The following GUCY1A2 variants were observed in gnomAD, a reference collection of about 807,000 sequenced individuals.
GUCY1A2 encodes guanylate cyclase 1 soluble subunit alpha 2.
A neutral mutation model predicts 63.5 loss-of-function variants in GUCY1A2; 27 were observed. That is an observed-to-expected ratio of 0.43 (90% CI 0.31 to 0.59). The LOEUF (loss-of-function observed/expected upper bound fraction) is 0.59. Ranked by LOEUF, GUCY1A2 falls within the 20% of genes least tolerant of loss-of-function variation. The pLI, the probability that GUCY1A2 is intolerant of heterozygous loss-of-function variation, is 0.11. For synonymous variants in GUCY1A2, 364 were observed against 343.5 expected (o/e 1.06, Z -0.66); for missense variants, 768 against 913.3 (o/e 0.84, Z 2.05).
chr11:106,899,541 TAC>T (rs746759460), intron 4 of GUCY1A2, among the ~76,000 whole-genome samples: 1 of 152,166 alleles, frequency 6.6e-6, no homozygotes, highest in Non-Finnish European at 1.5e-5. Context: ...GAACAACAAC[TAC>T]AGAGAGAAAA....
chr11:106,933,725 C>G (rs1425836928), intron 4 of GUCY1A2, among the ~76,000 whole-genome samples: 1 of 152,046 alleles, frequency 6.6e-6, no homozygotes, highest in Non-Finnish European at 1.5e-5. Flanking sequence ...TGGATAAAGA[C>G]AATGTAGTAC....
intron 6 of GUCY1A2, among the ~76,000 whole-genome samples, chr11:106,772,159 C>CAATTGTATATGACAATT (rs1409818810): frequency 6.6e-6 from 1 of 152,126 alleles, no homozygotes; most frequent in Non-Finnish European, 1.5e-5. Context: ...CATTTCCAAG[C>CAATTGTATATGACAATT]AATTGTATAT....
chr11:106,808,706 G>A (rs1337166930), intron 5 of GUCY1A2, among the ~76,000 whole-genome samples: 2 of 152,060 alleles, frequency 1.3e-5, no homozygotes, highest in African/African-American at 2.4e-5. Context: ...TAGTTTAGAG[G>A]GAAAAGATTG....
chr11:106,951,442 C>A (rs569339876), intron 3 of GUCY1A2, among the ~76,000 whole-genome samples: 116 of 152,212 alleles, frequency 7.6e-4, no homozygotes, highest in Admixed American at 1.6e-3. Flanking sequence ...TTCTGACTGG[C>A]GTGAGATGGT....
At chr11:106,720,200 C>T (rs1193952459) in intron 6 of GUCY1A2, among the ~76,000 whole-genome samples, 4 of 152,190 alleles carry the variant, frequency 2.6e-5, no homozygotes, top group Admixed American at 2.0e-4. Flanking sequence ...CATCTGTTTT[C>T]GTGGCAAACA....
chr11:106,793,015 C>T (rs937786701), intron 5 of GUCY1A2, among the ~76,000 whole-genome samples: 1 of 151,866 alleles, frequency 6.6e-6, no homozygotes, highest in Admixed American at 6.6e-5. Flanking sequence ...TCAAAATTCA[C>T]AGAAATAGAA....
chr11:106,957,292 G>C (rs1323099208), intron 3 of GUCY1A2, among the ~76,000 whole-genome samples: 2 of 151,948 alleles, frequency 1.3e-5, no homozygotes, highest in Middle Eastern at 3.4e-3. Flanking sequence ...AGCCACAGCT[G>C]GTGCTGGTTG....
In GUCY1A2 at chr11:106,862,521, T is replaced by C. The variant is rs1859527820; in HGVS notation, c.1207-52043A>G. Among the ~76,000 whole-genome samples, 3 of 151,984 alleles carry C rather than the reference T, an allele frequency of 2.0e-5. 1 individual carries two copies. The highest frequency in any genetic ancestry group is 4.1e-4 in the South Asian group (2 of 4,828). Reference sequence around the variant, plus strand: ...AAACAAAAAAACCAGCCTTTTCTATTGTGAAAACTGAAAGAAGCAGCACCT... The same window carrying C: ...AAACAAAAAAACCAGCCTTTTCTATCGTGAAAACTGAAAGAAGCAGCACCT... On this transcript the variant is annotated intron_variant, in intron 4 of 7. Coordinates refer to ENST00000526355, the MANE Select transcript of GUCY1A2 (RefSeq NM_000855.3).
At chr11:107,014,658 T>C (rs1276255025) in intron 1 of GUCY1A2, among the ~76,000 whole-genome samples, 2 of 152,122 alleles carry the variant, frequency 1.3e-5, no homozygotes, top group African/African-American at 4.8e-5. Context: ...GGATATCCCA[T>C]GGGTCAAATA....
intron 3 of GUCY1A2, among the ~76,000 whole-genome samples, chr11:106,945,159 A>C (rs1162354596): frequency 6.6e-6 from 1 of 151,978 alleles, no homozygotes; most frequent in Non-Finnish European, 1.5e-5. Flanking sequence ...CCTGAAAAAA[A>C]AAAAAGAGAG....
At chr11:106,716,048 A>G (rs1231157830) in intron 6 of GUCY1A2, among the ~76,000 whole-genome samples, 2 of 152,182 alleles carry the variant, frequency 1.3e-5, no homozygotes, top group East Asian at 3.9e-4. Flanking sequence ...AGAATGATGC[A>G]GCTGTAGTCA....
chr11:106,897,720 C>G (rs1565324387), intron 4 of GUCY1A2, among the ~76,000 whole-genome samples: 1 of 150,514 alleles, frequency 6.6e-6, no homozygotes. Flanking sequence ...AAATGGATCA[C>G]AGACCAAATG....
chr11:106,861,322 T>C (rs543402246), intron 4 of GUCY1A2, among the ~76,000 whole-genome samples: 1 of 152,160 alleles, frequency 6.6e-6, no homozygotes, highest in South Asian at 2.1e-4. Flanking sequence ...GAAATGTCAT[T>C]CTGTCTTCAA....
At chr11:106,986,262 A>C in intron 1 of GUCY1A2, 131 bp from the exon 2 acceptor site, 1 of 521,708 alleles carries the variant, frequency 1.9e-6, no homozygotes, top group South Asian at 3.2e-5. Flanking sequence ...GTATTAACCC[A>C]TTTTGCATCA....
chr11:106,993,232 A>AC (rs893626263), intron 1 of GUCY1A2, among the ~76,000 whole-genome samples: 2 of 152,182 alleles, frequency 1.3e-5, no homozygotes, highest in Non-Finnish European at 2.9e-5. Flanking sequence ...AGTGGAGATC[A>AC]CCACCTTCTC....
intron 5 of GUCY1A2, among the ~76,000 whole-genome samples, chr11:106,802,199 G>A (rs968024348): frequency 2.6e-5 from 4 of 152,074 alleles, no homozygotes; most frequent in Non-Finnish European, 4.4e-5. Context: ...GAGAGATAGC[G>A]GTCCTGCCTA....
At chr11:106,759,307 C>T (rs1864025755) in intron 6 of GUCY1A2, among the ~76,000 whole-genome samples, 1 of 152,072 alleles carries the variant, frequency 6.6e-6, no homozygotes, top group South Asian at 2.1e-4. Context: ...GTAATTTTCA[C>T]CAGTAATGTC....
intron 6 of GUCY1A2, among the ~76,000 whole-genome samples, chr11:106,751,474 G>A (rs1477066531): frequency 1.3e-5 from 2 of 150,798 alleles, no homozygotes; most frequent in African/African-American, 4.8e-5. Context: ...TTCCCTTAGG[G>A]ATTCCCTTCA....
intron 1 of GUCY1A2, among the ~76,000 whole-genome samples, chr11:107,008,329 AT>A (rs1370810030): frequency 6.6e-6 from 1 of 152,074 alleles, no homozygotes; most frequent in African/African-American, 2.4e-5. Flanking sequence ...GTGAGAGGCA[AT>A]TTGCATAAAA....
Sources: gnomAD v4.1 joint callset for allele counts (sites outside exome capture counted in the v4.1 genomes callset) on GRCh38, gnomAD v4.1.1 for gene constraint, MANE v1.5 for transcripts, NCBI Gene and HGNC (gene_info 2026-07-23, HGNC 2026-07-21) for gene names.